MGAM2: variants seen among roughly 807,000 people sequenced by gnomAD.
MGAM2 encodes probable maltase-glucoamylase 2.
Under a neutral mutation model 96.1 loss-of-function variants are expected in MGAM2, and 98 were observed. That is an observed-to-expected ratio of 1.02 (90% CI 0.87 to 1.21). MGAM2 has a LOEUF of 1.21. Among genes scored for constraint, MGAM2 ranks in the 50% most tolerant of loss-of-function variants. MGAM2 has a pLI of 0.00. For synonymous variants in MGAM2, 749 were observed against 414.8 expected (o/e 1.81, Z -9.79); for missense variants, 2,055 against 1,182.4 (o/e 1.74, Z -10.82).
chr7:142,156,341 A>G (rs1298880499), intron 17 of MGAM2, among the ~76,000 whole-genome samples: 6 of 152,182 alleles, frequency 3.9e-5, no homozygotes, highest in Admixed American at 3.9e-4. Context: ...GGTCTTCAAA[A>G]TTTGGTATGC....
intron 3 of MGAM2, among the ~76,000 whole-genome samples, chr7:142,122,656 T>C (rs571058737): frequency 1.2e-4 from 18 of 152,344 alleles, no homozygotes; most frequent in Admixed American, 5.2e-4. Flanking sequence ...CAGCACATTT[T>C]TGAGATTCAT....
chr7:142,172,933 A>G (rs934654063), intron 30 of MGAM2, among the ~76,000 whole-genome samples, 169 bp downstream of exon 30: 6 of 152,208 alleles, frequency 3.9e-5, no homozygotes, highest in Non-Finnish European at 8.8e-5. Context: ...ATAAAGCCAT[A>G]TTAATATCCC....
At chr7:142,120,539 C>G (rs574706220) in intron 3 of MGAM2, among the ~76,000 whole-genome samples, 158 bp downstream of exon 3, 1 of 151,604 alleles carries the variant, frequency 6.6e-6, no homozygotes, top group East Asian at 1.9e-4. Context: ...ATATTAAGAT[C>G]GTGAGGGAAG....
At chr7:142,212,561 C>G (rs932146217) in intron 46 of MGAM2, among the ~76,000 whole-genome samples, 3 of 152,160 alleles carry the variant, frequency 2.0e-5, no homozygotes, top group Non-Finnish European at 4.4e-5. Context: ...CAATTTTCAT[C>G]TCTGATAAAA....
rs773725022 is a variant in MGAM2 at position 142,196,732 on chromosome 7, T to C, written c.4548T>C (p.Asp1516=). ...CAGATATCTGTGGGTTCTTTGGAGA[T>C]GCTGAATATGAGATGTGTGTTCGCT... The part of the protein sequence containing the change: ...TGADICGFFG[D]AEYEMCVRWM... Residue 1516 remains aspartate, a synonymous_variant, in exon 40 of 48, where the codon GAT becomes GAC. Coordinates refer to ENST00000477922, the MANE Select transcript of MGAM2 (RefSeq NM_001293626.2). 1 of 790,486 alleles carries C rather than the reference T, an allele frequency of 1.3e-6. No homozygotes were observed. The highest frequency in any genetic ancestry group is 2.4e-5 in the East Asian group (1 of 41,296). 49.0% of individuals were successfully genotyped at this position (790,486 alleles called of 1,614,324 possible).
chr7:142,195,248 G>A (rs566287172), intron 37 of MGAM2, among the ~76,000 whole-genome samples: 7 of 151,628 alleles, frequency 4.6e-5, no homozygotes, highest in African/African-American at 1.7e-4. Flanking sequence ...TGCCTAGGCT[G>A]GTCTTGAACT....
intron 37 of MGAM2, among the ~76,000 whole-genome samples, chr7:142,192,991 G>T (rs6957353): frequency 0.71 from 108,673 of 152,072 alleles, 39,085 homozygotes; most frequent in African/African-American, 0.75. Context: ...ACAAACATTA[G>T]CAATATTTTT....
At chr7:142,187,711 CCT>C (rs1329383543) in intron 35 of MGAM2, 37 bp from the exon 36 acceptor site, 3 of 700,036 alleles carry the variant, frequency 4.3e-6, no homozygotes, top group Non-Finnish European at 7.8e-6. Flanking sequence ...CCATCCTGCC[CCT>C]GACATGACGA....
rs1208812386 is a variant in MGAM2, at chr7:142,220,153, C to T, written c.5642C>T (p.Thr1881Ile). The T allele has an allele frequency of 2.8e-6, 2 of 702,798 alleles. No homozygotes were observed. Among genetic ancestry groups the T allele is most frequent in the African/African-American group, 1.7e-5 (1 of 57,338 alleles). The allele number at this position is 702,798 out of a possible 1,614,324, so 43.5% of individuals were successfully genotyped here. A position where few individuals can be genotyped will look rare whatever the true frequency, so the allele number is the denominator to read the frequency against. ...VTTNTTVPDT[T>I]SPFPTSTTNA... is the part of the protein sequence containing the mutation. ...ACTAATACTACTGTTCCTGATACAA[C>T]TTCTCCTTTCCCTACAAGTACTACT... The change falls in exon 48 of 48, where the codon ACT (threonine) becomes ATT (isoleucine). Residue 1881 changes from threonine (T) to isoleucine (I), a missense_variant. Physicochemically the swap from Thr to Ile is moderately conservative, Grantham distance 89. Transcript: ENST00000477922.
intron 15 of MGAM2, among the ~76,000 whole-genome samples, chr7:142,149,126 G>A (rs544739157): frequency 9.3e-4 from 142 of 152,158 alleles, no homozygotes; most frequent in Non-Finnish European, 1.2e-3. Flanking sequence ...CTATTTTGGA[G>A]GCTGAGGCAG....
At chr7:142,214,984 A>G (rs1427402233) in intron 46 of MGAM2, among the ~76,000 whole-genome samples, 1 of 152,258 alleles carries the variant, frequency 6.6e-6, no homozygotes, top group Non-Finnish European at 1.5e-5. Flanking sequence ...TCATTCTGCT[A>G]TAAAGAAACA....
At chr7:142,145,648 C>A (rs936728230) in intron 14 of MGAM2, among the ~76,000 whole-genome samples, 1 of 152,158 alleles carries the variant, frequency 6.6e-6, no homozygotes, top group Non-Finnish European at 1.5e-5. Flanking sequence ...TTGCTCACAT[C>A]ATACTCTGAT....
intron 1 of MGAM2, 129 bp from the exon 2 acceptor site, chr7:142,116,745 T>C (rs1032054877): frequency 9.3e-6 from 6 of 645,036 alleles, no homozygotes; most frequent in Admixed American, 9.2e-5. Flanking sequence ...CTTTAGATTA[T>C]GTAAAGAGGA....
rs74881958 is a variant in MGAM2 at position 142,156,250 on chromosome 7, A to G, written c.1923+1405A>G. Among the ~76,000 whole-genome samples the G allele has an allele frequency of 3.3e-3, 508 of 152,252 alleles. 2 individuals are homozygous for G. Among genetic ancestry groups the G allele is most frequent in the Non-Finnish European group, 5.2e-3 (357 of 68,020 alleles). ...TCTATATGTGTGTGTGTGTCTGTAT[A>G]TTACATAGCATTATCATTTCAACCT... is the stretch of plus-strand genomic sequence containing the variant. On this transcript the variant is annotated intron_variant, in intron 17 of 47. Transcript: ENST00000477922.
chr7:142,189,651 C>T (rs1023811001), intron 37 of MGAM2, 146 bp downstream of exon 37: 12 of 478,752 alleles, frequency 2.5e-5, no homozygotes, highest in African/African-American at 2.2e-4. Context: ...AAGCAACCAC[C>T]TCTGAGCGCA....
intron 17 of MGAM2, among the ~76,000 whole-genome samples, chr7:142,156,625 C>T (rs1320657840): frequency 6.6e-6 from 1 of 152,204 alleles, no homozygotes; most frequent in Admixed American, 6.5e-5. Context: ...TGTCAGTTGA[C>T]AACCAGGGTG....
In MGAM2 at chr7:142,136,799, C is replaced by T. The variant is rs997978475; in HGVS notation, c.847+159C>T. Among the ~76,000 whole-genome samples the T allele has an allele frequency of 2.0e-5, 3 of 152,326 alleles. No individual in the cohort carries two copies. In the South Asian group the frequency reaches 6.2e-4, roughly 32 times the overall value. On this transcript the variant is annotated intron_variant, in intron 8 of 47. Transcript: ENST00000477922. Reference sequence around the variant, plus strand: ...GGAACCTGAAAGTAGGTTAATCTGTCTACAAATCCAGGTGATACTTGACAT... The same window carrying T: ...GGAACCTGAAAGTAGGTTAATCTGTTTACAAATCCAGGTGATACTTGACAT...
At chr7:142,154,939 C>A (rs946801630) in intron 17 of MGAM2, 94 bp downstream of exon 17, 2 of 665,026 alleles carry the variant, frequency 3.0e-6, no homozygotes, top group Admixed American at 2.2e-5. Context: ...TACAGGTTGG[C>A]ACTAACTGCA....
intron 16 of MGAM2, 62 bp from the exon 17 acceptor site, chr7:142,154,667 T>C: frequency 1.4e-6 from 1 of 691,874 alleles, no homozygotes; most frequent in Non-Finnish European, 2.6e-6. Flanking sequence ...ATCATATAAA[T>C]CTTCACTACA....
Sources: allele counts gnomAD v4.1 joint callset (sites outside exome capture counted in the v4.1 genomes callset), GRCh38; gene constraint gnomAD v4.1.1; transcripts MANE v1.5; gene names NCBI Gene and HGNC (gene_info 2026-07-23, HGNC 2026-07-21).